SVOPL: variants seen among roughly 807,000 people sequenced by gnomAD.
The protein encoded by SVOPL is SVOP like.
SVOPL carries 60 observed loss-of-function variants against 61.0 expected under a neutral mutation model. The observed-to-expected ratio is 0.98, with a 90% CI of 0.80 to 1.22. SVOPL has a LOEUF of 1.22. Among genes scored for constraint, SVOPL ranks in the 50% most tolerant of loss-of-function variants. The pLI, the probability that SVOPL is intolerant of heterozygous loss-of-function variation, is 0.00. For missense variants in SVOPL, 662 were observed against 643.9 expected (o/e 1.03, Z -0.30); for synonymous variants, 279 against 250.0 (o/e 1.12, Z -1.09).
rs1320820229 is a variant in SVOPL at position 138,594,704 on chromosome 7, A to G, written c.1468-83T>C. 8 of 990,394 alleles carry G rather than the reference A, an allele frequency of 8.1e-6. No homozygotes were observed. In the Admixed American group the frequency reaches 2.0e-4, roughly 25 times the overall value. 61.4% of individuals were successfully genotyped at this position (990,394 alleles called of 1,614,324 possible). A position where few individuals can be genotyped will look rare whatever the true frequency, so the allele number is the denominator to read the frequency against. On this transcript the variant is annotated intron_variant, in intron 15 of 15. Coordinates refer to ENST00000674285, the MANE Select transcript of SVOPL (RefSeq NM_001139456.2). The stretch of plus-strand genomic sequence containing the variant: ...ATACTGAGCTATCTGATATTTTAGT[A>G]ATAGAAGATTCTTTAATAAAAAATT...
chr7:138,700,534 T>C (rs1803168937), intron 1 of SVOPL, among the ~76,000 whole-genome samples: 1 of 151,808 alleles, frequency 6.6e-6, no homozygotes, highest in South Asian at 2.1e-4. Context: ...AGAGACGGGG[T>C]TTCACCATCT....
chr7:138,693,576 AAAAG>A (rs750873742), intron 1 of SVOPL, among the ~76,000 whole-genome samples: 33 of 95,080 alleles, frequency 3.5e-4, no homozygotes, highest in Admixed American at 1.3e-3. Context: ...AAAGAAAGAA[AAAAG>A]GAAAGAAAGA....
At chr7:138,661,166 C>T (rs1345929841) in intron 5 of SVOPL, 1 of 985,222 alleles carries the variant, frequency 1.0e-6, no homozygotes, top group Non-Finnish European at 1.2e-6. Context: ...TGTGTTTATG[C>T]TCAGAGAGGA....
chr7:138,679,108 A>G (rs1173340505), intron 1 of SVOPL, 29 bp from the exon 2 acceptor site: 3 of 1,439,816 alleles, frequency 2.1e-6, no homozygotes, highest in Non-Finnish European at 2.9e-6. Context: ...GGAAGAAGGA[A>G]AGAAATATAA....
At chr7:138,677,728 CT>C (rs1584864636) in intron 3 of SVOPL, among the ~76,000 whole-genome samples, 2 of 149,010 alleles carry the variant, frequency 1.3e-5, no homozygotes, top group East Asian at 4.0e-4. Context: ...TCAAAAGAAC[CT>C]TAGTCTACAC....
intron 4 of SVOPL, among the ~76,000 whole-genome samples, chr7:138,668,853 T>C (rs983593794): frequency 6.6e-6 from 1 of 152,202 alleles, no homozygotes; most frequent in Non-Finnish European, 1.5e-5. Flanking sequence ...TAGCTCTCAC[T>C]GTCTTACAGA....
intron 1 of SVOPL, among the ~76,000 whole-genome samples, chr7:138,697,628 A>AAAG (rs779680729): frequency 4.3e-5 from 5 of 114,970 alleles, no homozygotes; most frequent in Admixed American, 1.0e-4. Flanking sequence ...AAAAAAAAAA[A>AAAG]AAGAAGAAGA....
chr7:138,641,491 C>T (rs1316106900), intron 9 of SVOPL, among the ~76,000 whole-genome samples: 1 of 151,528 alleles, frequency 6.6e-6, no homozygotes, highest in Non-Finnish European at 1.5e-5. Context: ...ACCAACATGG[C>T]GAAACCCCAT....
intron 3 of SVOPL, among the ~76,000 whole-genome samples, chr7:138,672,497 CATG>C (rs1802448686): frequency 6.6e-6 from 1 of 152,112 alleles, no homozygotes; most frequent in Non-Finnish European, 1.5e-5. Flanking sequence ...GTTTTGTACT[CATG>C]ATTATGAAGG....
intron 14 of SVOPL, among the ~76,000 whole-genome samples, chr7:138,611,849 G>C (rs1584779116): frequency 9.4e-5 from 7 of 74,560 alleles, no homozygotes; most frequent in East Asian, 4.1e-4. Context: ...CTCCCAAAGT[G>C]CCGAGATTGC....
At chr7:138,647,847 CAAAAAAAAAAA>C (rs33996391) in intron 8 of SVOPL, among the ~76,000 whole-genome samples, 4 of 102,772 alleles carry the variant, frequency 3.9e-5, no homozygotes, top group Non-Finnish European at 7.8e-5. Context: ...GACTCCGTTT[CAAAAAAAAAAA>C]AAAAAAAAAT....
intron 7 of SVOPL, among the ~76,000 whole-genome samples, chr7:138,652,524 G>A (rs188735613): frequency 1.8e-4 from 28 of 152,288 alleles, no homozygotes; most frequent in African/African-American, 6.7e-4. Context: ...AATGATTAAA[G>A]CTTCATGAGG....
chr7:138,651,472 C>G (rs1207376968), intron 7 of SVOPL, among the ~76,000 whole-genome samples: 1 of 151,844 alleles, frequency 6.6e-6, no homozygotes, highest in East Asian at 2.0e-4. Context: ...GTGCACTTTG[C>G]AAATATTGCA....
At chr7:138,659,712 C>A (rs1801916166) in intron 6 of SVOPL, among the ~76,000 whole-genome samples, 152 bp downstream of exon 6, 1 of 152,066 alleles carries the variant, frequency 6.6e-6, no homozygotes, top group African/African-American at 2.4e-5. Context: ...ACATCCTTAA[C>A]TTTGGCAAAA....
intron 14 of SVOPL, among the ~76,000 whole-genome samples, chr7:138,613,351 A>AT (rs1276304581): frequency 2.6e-5 from 4 of 152,094 alleles, no homozygotes; most frequent in Non-Finnish European, 5.9e-5. Flanking sequence ...AAAACTGATC[A>AT]TATCCCTCAC....
At chr7:138,653,916 G>A (rs1402616771) in intron 7 of SVOPL, among the ~76,000 whole-genome samples, 62 of 140,414 alleles carry the variant, frequency 4.4e-4, no homozygotes, top group Admixed American at 3.8e-3. Flanking sequence ...CTGGACGACA[G>A]AGCAAGACTC....
intron 4 of SVOPL, among the ~76,000 whole-genome samples, chr7:138,670,054 CCA>C (rs1179520062): frequency 6.6e-6 from 1 of 152,184 alleles, no homozygotes; most frequent in East Asian, 1.9e-4. Context: ...ACCACTTATA[CCA>C]CAGCCCCTTT....
chr7:138,678,991 G>A lies in SVOPL; in HGVS notation c.55C>T (p.Leu19=), dbSNP rs753203015. The A allele has an allele frequency of 6.4e-7, 1 of 1,551,664 alleles. No homozygotes were observed. Among genetic ancestry groups the A allele is most frequent in the South Asian group, 1.2e-5 (1 of 84,048 alleles). ...VTILSLRKLS[L]GTAEPQVKEP... is the part of the protein sequence containing the mutation. Reference sequence around the variant, plus strand: ...TTAACCTGTGGCTCTGCGGTCCCCAGGCTCAATTTCCGAAGGCTGAGGATC... The same window carrying A: ...TTAACCTGTGGCTCTGCGGTCCCCAAGCTCAATTTCCGAAGGCTGAGGATC... The change falls in exon 2 of 16, where the codon CTG becomes TTG. Residue 19 remains leucine (L), a synonymous_variant. Coordinates refer to ENST00000674285, the MANE Select transcript of SVOPL (RefSeq NM_001139456.2).
At chr7:138,656,771 G>A (rs1014214479) in intron 6 of SVOPL, among the ~76,000 whole-genome samples, 8 of 152,244 alleles carry the variant, frequency 5.3e-5, no homozygotes, top group East Asian at 1.9e-4. Context: ...GGCCAGGTGT[G>A]GTGGCTCACA....
Sources: allele counts gnomAD v4.1 joint callset (sites outside exome capture counted in the v4.1 genomes callset), GRCh38; gene constraint gnomAD v4.1.1; transcripts MANE v1.5; gene names NCBI Gene and HGNC (gene_info 2026-07-23, HGNC 2026-07-21).